The following ALDH2 variants were observed in gnomAD, a reference collection of about 807,000 sequenced individuals.
ALDH2 encodes aldehyde dehydrogenase 2 family member, also known as aldehyde dehydrogenase, mitochondrial.
Under a neutral mutation model 59.6 loss-of-function variants are expected in ALDH2, and 44 were observed. The ratio of observed to expected loss-of-function variants is 0.74; its 90% confidence interval spans 0.58 to 0.95. The LOEUF is 0.95. ALDH2 is among the 40% of genes least tolerant of loss of function. ALDH2 has a pLI of 0.00. For missense variants in ALDH2, 570 were observed against 696.3 expected (o/e 0.82, Z 2.04); for synonymous variants, 291 against 284.0 (o/e 1.02, Z -0.25).
rs373787552 is a variant in ALDH2, at chr12:111,774,166, G to C, written c.114+7070G>C. Among the ~76,000 whole-genome samples, 69 of 152,238 alleles carry C rather than the reference G, an allele frequency of 4.5e-4. No individual in the cohort carries two copies. In the South Asian group the frequency reaches 4.6e-3, roughly 10 times the overall value. On this transcript the variant is annotated intron_variant, in intron 1 of 12. Transcript: ENST00000261733. The stretch of plus-strand genomic sequence containing the variant: ...AAGTGGTGAAAAAAGGCCCTGGGGT[G>C]GGGGAGTGGGGCAGAGGGCTGGCGT...
intron 1 of ALDH2, 132 bp downstream of exon 1, chr12:111,767,228 G>C (rs1188463037): frequency 1.5e-6 from 1 of 665,480 alleles, no homozygotes; most frequent in Non-Finnish European, 2.4e-6. Context: ...GGCTGACCTG[G>C]AAGCACATCT....
chr12:111,813,910 T>TAA lies in ALDH2; in HGVS notation c.*4337_*4338dup, dbSNP rs1398012837. On this transcript the variant is annotated 3_prime_UTR_variant, in exon 13 of 13. Transcript: ENST00000261733. ...TGGTTGTACAACATTGTGAATTTAC[T>TAA]AAATGCAACCAAATTGCTCACTTAA... is the stretch of plus-strand genomic sequence containing the variant. 2 of 152,206 alleles carry TAA rather than the reference T, an allele frequency of 1.3e-5. No individual in the cohort carries two copies. The highest frequency in any genetic ancestry group is 3.9e-4 in the East Asian group (2 of 5,194). 9.4% of individuals were successfully genotyped at this position (152,206 alleles called of 1,614,324 possible).
At chr12:111,775,631 C>T (rs2068229435) in intron 1 of ALDH2, 1 of 455,588 alleles carries the variant, frequency 2.2e-6, no homozygotes, top group African/African-American at 2.0e-5. Flanking sequence ...CAACTCCAGA[C>T]ATCACTGTGC....
intron 6 of ALDH2, 55 bp from the exon 7 acceptor site, chr12:111,791,251 G>A: frequency 1.5e-6 from 2 of 1,341,068 alleles, no homozygotes; most frequent in South Asian, 1.2e-5. Context: ...TCCCCTGGTT[G>A]AGCCCTTCAG....
intron 1 of ALDH2, among the ~76,000 whole-genome samples, chr12:111,771,037 C>CCCAAAGTGCTGGGATTA (rs1566179657): frequency 6.6e-6 from 1 of 151,954 alleles, no homozygotes. Flanking sequence ...TCCTTGGCCT[C>CCCAAAGTGCTGGGATTA]CCAAAGTGCT....
chr12:111,772,673 GGT>G (rs1491441232), intron 1 of ALDH2, among the ~76,000 whole-genome samples: 1 of 125,360 alleles, frequency 8.0e-6, no homozygotes, highest in African/African-American at 3.1e-5. Flanking sequence ...TTTTTTTTTT[GGT>G]TTTTTTTTTT....
intron 12 of ALDH2, among the ~76,000 whole-genome samples, chr12:111,809,264 G>A (rs570058859): frequency 4.6e-5 from 7 of 152,186 alleles, no homozygotes; most frequent in Admixed American, 3.3e-4. Flanking sequence ...GACAAGCCTG[G>A]GCAACATAGT....
chr12:111,787,885 A>T (rs1022676096), intron 4 of ALDH2, among the ~76,000 whole-genome samples: 9 of 152,060 alleles, frequency 5.9e-5, no homozygotes, highest in Middle Eastern at 3.4e-3. Context: ...TATATATATA[A>T]AAAATTAGCT....
At chr12:111,806,904 G>T (rs1328401433) in intron 12 of ALDH2, among the ~76,000 whole-genome samples, 1 of 151,972 alleles carries the variant, frequency 6.6e-6, no homozygotes, top group Non-Finnish European at 1.5e-5. Context: ...GGGAGGTGGA[G>T]GTTGCAGTGA....
chr12:111,766,972 A>G lies in ALDH2; in HGVS notation c.-11A>G, dbSNP rs1432270012. On this transcript the variant is annotated 5_prime_UTR_variant, in exon 1 of 13. Coordinates refer to ENST00000261733, the MANE Select transcript of ALDH2 (RefSeq NM_000690.4). Reference sequence around the variant, plus strand: ...GCTCTCGGTCCGCTCGCTGTCCGCTAGCCCGCTGCGATGTTGCGCGCTGCC... The same window carrying G: ...GCTCTCGGTCCGCTCGCTGTCCGCTGGCCCGCTGCGATGTTGCGCGCTGCC... 5 of 1,520,478 alleles carry G rather than the reference A, an allele frequency of 3.3e-6. No individual in the cohort carries two copies. In the South Asian group the frequency reaches 4.8e-5, roughly 15 times the overall value. 94.2% of individuals were successfully genotyped at this position (1,520,478 alleles called of 1,614,324 possible).
chr12:111,775,415 G>A (rs1442005456), intron 1 of ALDH2, among the ~76,000 whole-genome samples: 1 of 152,100 alleles, frequency 6.6e-6, no homozygotes, highest in Non-Finnish European at 1.5e-5. Flanking sequence ...TCCTCACCAG[G>A]ACTTCAGCTC....
intron 1 of ALDH2, among the ~76,000 whole-genome samples, chr12:111,779,974 T>G (rs1347165768): frequency 6.6e-6 from 1 of 152,002 alleles, no homozygotes; most frequent in Non-Finnish European, 1.5e-5. Context: ...TCACTGCAAC[T>G]TCTGCCTCCT....
At chr12:111,790,682 AC>A (rs1220640325) in intron 6 of ALDH2, 120 bp downstream of exon 6, 19 of 1,320,874 alleles carry the variant, frequency 1.4e-5, no homozygotes, top group Non-Finnish European at 1.9e-5. Context: ...AGCCCCCATC[AC>A]CATGTGAACC....
chr12:111,809,806 G>A lies in ALDH2; in HGVS notation c.*231G>A. On this transcript the variant is annotated 3_prime_UTR_variant, in exon 13 of 13. Coordinates refer to ENST00000261733, the MANE Select transcript of ALDH2 (RefSeq NM_000690.4). Reference sequence around the variant, plus strand: ...CGACAACAATACTGCTAGCTTTCAGGATGATTTTTAAAAAATAGATTCAAA... The same window carrying A: ...CGACAACAATACTGCTAGCTTTCAGAATGATTTTTAAAAAATAGATTCAAA... The A allele has an allele frequency of 1.8e-6, 1 of 564,058 alleles. No homozygotes were observed. Among genetic ancestry groups the A allele is most frequent in the South Asian group, 2.2e-5 (1 of 45,878 alleles). 34.9% of individuals were successfully genotyped at this position (564,058 alleles called of 1,614,324 possible). A position where few individuals can be genotyped will look rare whatever the true frequency, so the allele number is the denominator to read the frequency against.
Position 111,810,064 on chromosome 12 carries a change from AAGCCG to A in ALDH2, c.*492_*496del. 5.5e-6 allele frequency: 1 copy of A among 180,436 alleles called. No individual in the cohort carries two copies. The highest frequency in any genetic ancestry group is 1.2e-5 in the Non-Finnish European group (1 of 85,148). 11.2% of individuals were successfully genotyped at this position (180,436 alleles called of 1,614,324 possible). A position where few individuals can be genotyped will look rare whatever the true frequency, so the allele number is the denominator to read the frequency against. ...ACGCCTGTAATCCCAGCACTTTGGG[AAGCCG>A]AGGCGGGTGGATCACTCGAGGTCAG... is the stretch of plus-strand genomic sequence containing the variant. On this transcript the variant is annotated 3_prime_UTR_variant, in exon 13 of 13. Coordinates refer to ENST00000261733, the MANE Select transcript of ALDH2 (RefSeq NM_000690.4).
At chr12:111,803,702 A>G (rs1030305229) in intron 11 of ALDH2, among the ~76,000 whole-genome samples, 157 bp from the exon 12 acceptor site, 2 of 151,916 alleles carry the variant, frequency 1.3e-5, no homozygotes, top group Non-Finnish European at 2.9e-5. Flanking sequence ...TGCCATGGCA[A>G]CTCCAGCCTG....
intron 2 of ALDH2, 84 bp from the exon 3 acceptor site, chr12:111,783,074 C>T: frequency 4.6e-6 from 7 of 1,525,372 alleles, no homozygotes; most frequent in Non-Finnish European, 6.2e-6. Flanking sequence ...TGATGACCTT[C>T]TGGATGTGTT....
At chr12:111,773,189 G>GCAC (rs1187187038) in intron 1 of ALDH2, among the ~76,000 whole-genome samples, 4 of 152,074 alleles carry the variant, frequency 2.6e-5, no homozygotes, top group African/African-American at 9.7e-5. Flanking sequence ...GGCGGAGGTT[G>GCAC]TGGTGGGGCC....
rs1341930851 is a variant in ALDH2 at position 111,780,708 on chromosome 12, T to C, written c.115-1210T>C. 2.6e-5 allele frequency among the ~76,000 whole-genome samples: 4 copies of C among 152,198 alleles called. No homozygotes were observed. In the East Asian group the frequency reaches 5.8e-4, roughly 22 times the overall value. On this transcript the variant is annotated intron_variant, in intron 1 of 12. Coordinates refer to ENST00000261733, the MANE Select transcript of ALDH2 (RefSeq NM_000690.4). The stretch of plus-strand genomic sequence containing the variant: ...TGGTCTTCTGTGTTTGATTGCCTCT[T>C]TATTTCCTGGGCACCATGAGAGCAT...
Sources: allele counts gnomAD v4.1 joint callset (sites outside exome capture counted in the v4.1 genomes callset), GRCh38; gene constraint gnomAD v4.1.1; transcripts MANE v1.5; gene names NCBI Gene and HGNC (gene_info 2026-07-23, HGNC 2026-07-21).